The following NHSL2 variants were observed in gnomAD, a reference collection of about 807,000 sequenced individuals.
The protein encoded by NHSL2 is NHS like 2.
In NHSL2, 27 loss-of-function variants were observed where a neutral mutation model predicts 53.4. That is an observed-to-expected ratio of 0.51 (90% CI 0.37 to 0.70). NHSL2 has a LOEUF of 0.70. NHSL2 is among the 30% of genes least tolerant of loss of function. The probability of loss-of-function intolerance (pLI) is 0.00; values close to 1 mark genes in which losing one functional copy is unlikely to be tolerated. For synonymous variants in NHSL2, 408 were observed against 404.1 expected (o/e 1.01, Z -0.12); for missense variants, 892 against 980.1 (o/e 0.91, Z 1.20).
intron 1 of NHSL2, among the ~76,000 whole-genome samples, chrX:72,083,998 A>G (rs1300265231): frequency 9.0e-6 from 1 of 111,383 alleles, no homozygotes; most frequent in African/African-American, 3.3e-5. Context: ...ATCCTTGCCC[A>G]CTCATCAAAC....
At chrX:72,109,046 C>A (rs757025085) in intron 1 of NHSL2, among the ~76,000 whole-genome samples, 2 of 111,511 alleles carry the variant, frequency 1.8e-5, no homozygotes, top group Admixed American at 1.9e-4. Flanking sequence ...GTTTCCCCTG[C>A]CAAGTGTGCT....
intron 4 of NHSL2, 65 bp downstream of exon 4, chrX:72,134,769 TGCACTG>T (rs1453613159): frequency 1.2e-6 from 1 of 817,536 alleles, no homozygotes; most frequent in East Asian, 3.5e-5. Flanking sequence ...TCCTCTTTGA[TGCACTG>T]GGTATTGGGG....
intron 1 of NHSL2, among the ~76,000 whole-genome samples, chrX:72,099,901 A>G (rs2041977271): frequency 8.9e-6 from 1 of 111,766 alleles, no homozygotes; most frequent in Non-Finnish European, 1.9e-5. Context: ...GCCAATTTCA[A>G]GAGCTTAAGA....
chrX:71,997,363 G>A (rs1261262021), intron 1 of NHSL2, among the ~76,000 whole-genome samples: 2 of 112,200 alleles, frequency 1.8e-5, no homozygotes, highest in African/African-American at 3.2e-5. Flanking sequence ...AAGGGGCTGG[G>A]GAGTCACAGC....
At chrX:71,943,318 T>A (rs2041777431) in intron 1 of NHSL2, among the ~76,000 whole-genome samples, 1 of 112,393 alleles carries the variant, frequency 8.9e-6, no homozygotes, top group South Asian at 3.7e-4. Context: ...AGCCTCAGTC[T>A]ATACTTCACC....
intron 1 of NHSL2, among the ~76,000 whole-genome samples, chrX:72,103,146 C>T (rs1169390145): frequency 8.9e-6 from 1 of 112,157 alleles, no homozygotes; most frequent in Non-Finnish European, 1.9e-5. Context: ...CCAGGTAGCT[C>T]CTCTTGACCT....
chrX:72,128,924 T>C (rs1480737154), intron 1 of NHSL2: 1 of 114,168 alleles, frequency 8.8e-6, no homozygotes, highest in East Asian at 2.7e-4. Context: ...TCGTTGCTGC[T>C]TCTTTCTCCT....
chrX:72,107,967 C>T (rs1000138278), intron 1 of NHSL2, among the ~76,000 whole-genome samples: 3 of 111,960 alleles, frequency 2.7e-5, no homozygotes, highest in African/African-American at 6.5e-5. Context: ...GAAGATGACT[C>T]TCTTGGCCCC....
At chrX:72,087,716 A>G (rs1273312324) in intron 1 of NHSL2, among the ~76,000 whole-genome samples, 1 of 110,576 alleles carries the variant, frequency 9.0e-6, no homozygotes, top group Non-Finnish European at 1.9e-5. Flanking sequence ...CTAAAAATAC[A>G]AAAAAATTAG....
intron 1 of NHSL2, among the ~76,000 whole-genome samples, chrX:72,075,526 C>T (rs746622904): frequency 4.5e-5 from 5 of 112,112 alleles, no homozygotes; most frequent in South Asian, 7.4e-4. Context: ...GATGGGAAAT[C>T]ATCAAGAAAA....
At chrX:72,049,443 G>A (rs958899506) in intron 1 of NHSL2, among the ~76,000 whole-genome samples, 1 of 110,921 alleles carries the variant, frequency 9.0e-6, no homozygotes, top group Admixed American at 9.5e-5. Context: ...AGCTCTCCAA[G>A]CTGTACATCT....
At chrX:71,928,922 G>A (rs1263398750) in intron 1 of NHSL2, among the ~76,000 whole-genome samples, 2 of 112,072 alleles carry the variant, frequency 1.8e-5, no homozygotes, top group Non-Finnish European at 3.8e-5. Flanking sequence ...ATATCCTGGA[G>A]ATATAATTGA....
chrX:71,989,906 G>A (rs1387650600), intron 1 of NHSL2, among the ~76,000 whole-genome samples: 1 of 112,584 alleles, frequency 8.9e-6, no homozygotes, highest in Non-Finnish European at 1.9e-5. Flanking sequence ...CAGTACAGAA[G>A]TCCCACGTGG....
intron 1 of NHSL2, among the ~76,000 whole-genome samples, chrX:72,115,972 G>A (rs1180684118): frequency 1.8e-5 from 2 of 111,090 alleles, no homozygotes; most frequent in Non-Finnish European, 3.8e-5. Flanking sequence ...CCAGCAATTC[G>A]TGTTTTATCA....
At chrX:72,005,112 ATGAG>A (rs1402455609) in intron 1 of NHSL2, among the ~76,000 whole-genome samples, 2 of 111,827 alleles carry the variant, frequency 1.8e-5, no homozygotes, top group African/African-American at 6.5e-5. Flanking sequence ...ATATGAATGA[ATGAG>A]TATCTATATT....
chrX:72,111,571 A>T (rs189707513), intron 1 of NHSL2, among the ~76,000 whole-genome samples: 1 of 112,096 alleles, frequency 8.9e-6, no homozygotes, highest in Non-Finnish European at 1.9e-5. Flanking sequence ...GACTTGTCCA[A>T]AGTCCCACAG....
chrX:72,088,134 G>A (rs1460787573), intron 1 of NHSL2, among the ~76,000 whole-genome samples: 1 of 111,827 alleles, frequency 8.9e-6, no homozygotes, highest in African/African-American at 3.3e-5. Context: ...GGGAGGCTGA[G>A]GCAGGAGAAT....
chrX:72,125,086 G>A (rs1159179255), intron 1 of NHSL2, among the ~76,000 whole-genome samples: 2 of 94,371 alleles, frequency 2.1e-5, no homozygotes, highest in South Asian at 4.5e-4. Flanking sequence ...GATTCTGACC[G>A]ATCTCCTGTC....
At chrX:72,082,239 A>G (rs1052532100) in intron 1 of NHSL2, among the ~76,000 whole-genome samples, 8 of 111,354 alleles carry the variant, frequency 7.2e-5, no homozygotes, top group African/African-American at 2.6e-4. Flanking sequence ...AAGAAAATGT[A>G]TGGTCAGGAA....
Sources: gnomAD v4.1 joint callset for allele counts (sites outside exome capture counted in the v4.1 genomes callset) on GRCh38, gnomAD v4.1.1 for gene constraint, MANE v1.5 for transcripts, NCBI Gene and HGNC (gene_info 2026-07-23, HGNC 2026-07-21) for gene names.